SEMA4B: variants seen among roughly 807,000 people sequenced by gnomAD.
SEMA4B encodes semaphorin-4B.
Under a neutral mutation model 88.1 loss-of-function variants are expected in SEMA4B, and 55 were observed. The observed-to-expected ratio is 0.62, with a 90% CI of 0.50 to 0.78. The LOEUF (loss-of-function observed/expected upper bound fraction) is 0.78, where lower values mean the gene tolerates loss of function less well. SEMA4B is among the 30% of genes least tolerant of loss of function. The pLI is 0.00. For missense variants in SEMA4B, 1,062 were observed against 1,111.9 expected, an observed-to-expected ratio of 0.96 and a Z score of 0.64; for synonymous variants, 525 against 473.6, an observed-to-expected ratio of 1.11 and a Z score of -1.41.
chr15:90,185,965 G>T (rs1960153912), intron 1 of SEMA4B, among the ~76,000 whole-genome samples: 1 of 110,022 alleles, frequency 9.1e-6, no homozygotes, highest in Non-Finnish European at 1.7e-5. Flanking sequence ...ACGGAGTCTT[G>T]CTCTATCCTC....
chr15:90,196,839 C>G (rs934013486), upstream of SEMA4B, among the ~76,000 whole-genome samples: 19 of 152,068 alleles, frequency 1.2e-4, no homozygotes, highest in African/African-American at 4.3e-4. Context: ...TCCTTTTCAC[C>G]CCTTATTTTT....
At position 90,212,436 on chromosome 15, in the gene SEMA4B, A is replaced by G. The variant is rs762881932; in HGVS notation, c.158-5003A>G. Among the ~76,000 whole-genome samples, 2 of 152,094 alleles carry G rather than the reference A, an allele frequency of 1.3e-5. No homozygotes were observed. Among genetic ancestry groups the G allele is most frequent in the South Asian group, 2.1e-4 (1 of 4,820 alleles). On this transcript the variant is annotated intron_variant, in intron 1 of 13. Coordinates refer to ENST00000411539, the MANE Select transcript of SEMA4B (RefSeq NM_198925.4). The surrounding 1 kb of genome is among the most constrained non-coding windows in gnomAD (Gnocchi z 4.0). Reference sequence around the variant, plus strand: ...CATACTGGACTAACCCACTGGATAGATGGATTTAGAGGATGTCCGAGCAGC... The same window carrying G: ...CATACTGGACTAACCCACTGGATAGGTGGATTTAGAGGATGTCCGAGCAGC...
At chr15:90,204,400 A>G (rs936262835) in intron 1 of SEMA4B, among the ~76,000 whole-genome samples, 3 of 152,174 alleles carry the variant, frequency 2.0e-5, no homozygotes, top group Non-Finnish European at 2.9e-5. Flanking sequence ...GGGGTCCTTC[A>G]TAGGGAACCC....
rs1960718713 is a variant in SEMA4B, at chr15:90,201,472, G to C, written c.-107G>C. ...CCGCCCCCCAGGTCCGGAGGCGGGG[G>C]CCCCCGGGGCGACTCGGGGGCGGAC... On this transcript the variant is annotated 5_prime_UTR_variant, in exon 1 of 14. Transcript: ENST00000411539. 2.3e-6 allele frequency: 3 copies of C among 1,306,354 alleles called. No individual in the cohort carries two copies. The highest frequency in any genetic ancestry group is 2.2e-5 in the South Asian group (1 of 46,260). The allele number at this position is 1,306,354 out of a possible 1,614,324, so 80.9% of individuals were successfully genotyped here. A position where few individuals can be genotyped will look rare whatever the true frequency, so the allele number is the denominator to read the frequency against.
intron 1 of SEMA4B, among the ~76,000 whole-genome samples, chr15:90,188,456 T>C (rs1215545381): frequency 2.7e-5 from 4 of 149,518 alleles, no homozygotes; most frequent in East Asian, 2.1e-4. Flanking sequence ...GGTGAAACCC[T>C]GTCTCTACTA....
rs1003225967 is a variant in SEMA4B, at chr15:90,227,968, C to T, written c.1839C>T (p.Leu613=). Residue 613 remains leucine, a synonymous_variant, in exon 14 of 14, where the codon CTC becomes CTT. Transcript: ENST00000411539. ...CAGTGAACACTTTGGCCTGCCCGCTCCTCTCCAACCTGGCGACCCGACTCT... is the reference window on the plus strand; with the variant it reads ...CAGTGAACACTTTGGCCTGCCCGCTTCTCTCCAACCTGGCGACCCGACTCT... ...PNTVNTLACP[L]LSNLATRLWL... 1.9e-6 allele frequency: 3 copies of T among 1,613,688 alleles called. No individual in the cohort carries two copies. In the African/African-American group the frequency reaches 4.0e-5, roughly 22 times the overall value.
intron 12 of SEMA4B, among the ~76,000 whole-genome samples, chr15:90,226,605 T>C (rs936561222): frequency 2.6e-5 from 4 of 152,144 alleles, no homozygotes; most frequent in Non-Finnish European, 5.9e-5. Flanking sequence ...GCTCCCAGAG[T>C]GCCGGGATTA....
Position 90,227,999 on chromosome 15 carries a change from C to T in SEMA4B, c.1870C>T (p.Arg624Cys), listed in dbSNP as rs371202813. 2.9e-5 allele frequency: 47 copies of T among 1,613,888 alleles called. No homozygotes were observed. Among genetic ancestry groups the T allele is most frequent in the African/African-American group, 1.7e-4 (13 of 75,060 alleles). ...LSNLATRLWL[R>C]NGAPVNASAS... is the part of the protein sequence containing the mutation. ...CAACCTGGCGACCCGACTCTGGCTA[C>T]GCAACGGGGCCCCCGTCAATGCCTC... The change falls in exon 14 of 14, where the codon CGC becomes TGC. Residue 624 changes from arginine to cysteine, a missense_variant. Transcript: ENST00000411539.
At chr15:90,194,494 T>A (rs1228448812) in intron 1 of SEMA4B, among the ~76,000 whole-genome samples, 1 of 151,890 alleles carries the variant, frequency 6.6e-6, no homozygotes, top group African/African-American at 2.4e-5. Context: ...ATCATGCCAT[T>A]GCACTCCAGC....
Position 90,228,572 on chromosome 15 carries a change from G to A in SEMA4B, c.2443G>A (p.Val815Met), listed in dbSNP as rs1301322733. The change falls in exon 14 of 14, where the codon GTG becomes ATG. Residue 815 changes from valine (V) to methionine (M), a missense_variant. Val to Met is a conservative substitution (Grantham distance 21). Transcript: ENST00000411539. Reference protein sequence around the residue: ...KRPLSIQDSFVEVSPVCPRPR... With the variant: ...KRPLSIQDSFMEVSPVCPRPR... ...GCCACTCAGCATCCAAGACAGCTTC[G>A]TGGAGGTATCCCCAGTGTGCCCCCG... 5.6e-6 allele frequency: 9 copies of A among 1,613,648 alleles called. No homozygotes were observed. Among genetic ancestry groups the A allele is most frequent in the South Asian group, 5.5e-5 (5 of 91,088 alleles).
rs1232301042 is a variant in SEMA4B, at chr15:90,201,650, GCTGCTGCTGCTC to G, written c.84_95del (p.Leu32_Leu35del). 14 of 1,515,570 alleles carry G rather than the reference GCTGCTGCTGCTC, an allele frequency of 9.2e-6. No individual in the cohort carries two copies. The highest frequency in any genetic ancestry group is 2.0e-5 in the Admixed American group (1 of 49,718). The allele number at this position is 1,515,570 out of a possible 1,614,324, so 93.9% of individuals were successfully genotyped here. A position where few individuals can be genotyped will look rare whatever the true frequency, so the allele number is the denominator to read the frequency against. On this transcript the variant is annotated inframe_deletion, in exon 1 of 14. Coordinates refer to ENST00000411539, the MANE Select transcript of SEMA4B (RefSeq NM_198925.4). ...GGGGCGCGCTGCCGCCTCGGCCACC[GCTGCTGCTGCTC>G]CTGCTGCTGCTGCTCCTGCTGCAGC... is the stretch of plus-strand genomic sequence containing the variant.
At chr15:90,196,001 G>A (rs192591475) in intron 1 of SEMA4B, among the ~76,000 whole-genome samples, 24 of 144,944 alleles carry the variant, frequency 1.7e-4, no homozygotes, top group African/African-American at 5.9e-4. Flanking sequence ...CTCACTGCGA[G>A]CTCTGCCTCC....
rs1309082230 is a variant in SEMA4B at position 90,229,116 on chromosome 15, C to A, written c.*473C>A. 5.6e-6 allele frequency: 2 copies of A among 355,722 alleles called. No individual in the cohort carries two copies. Among genetic ancestry groups the A allele is most frequent in the African/African-American group, 4.3e-5 (2 of 46,576 alleles). The allele number at this position is 355,722 out of a possible 1,614,324, so 22.0% of individuals were successfully genotyped here. On this transcript the variant is annotated 3_prime_UTR_variant, in exon 14 of 14. Transcript: ENST00000411539. ...CATTATCCCGCTGCCACCGGCTGCC[C>A]TGTCTCACTGCAGATTCAGGACCAG...
chr15:90,185,038 C>T (rs1960122753), exon 1 of SEMA4B: 3 of 985,276 alleles, frequency 3.0e-6, no homozygotes, highest in Non-Finnish European at 3.6e-6. Flanking sequence ...GAAGAGCGGC[C>T]CCGCGGGGGG....
At position 90,229,456 on chromosome 15, in the gene SEMA4B, T is replaced by A. The variant is rs1239352938; in HGVS notation, c.*813T>A. 4.4e-6 allele frequency: 2 copies of A among 453,684 alleles called. No individual in the cohort carries two copies. Among genetic ancestry groups the A allele is most frequent in the African/African-American group, 4.0e-5 (2 of 50,152 alleles). The allele number at this position is 453,684 out of a possible 1,614,324, so 28.1% of individuals were successfully genotyped here. On this transcript the variant is annotated 3_prime_UTR_variant, in exon 14 of 14. Coordinates refer to ENST00000411539, the MANE Select transcript of SEMA4B (RefSeq NM_198925.4). ...TCCCACCATATCCACCCTCGCTCCA[T>A]CTTTGAACTCAAACACGAGGAACTA...
At chr15:90,227,349 T>C in intron 12 of SEMA4B, 2 of 542,222 alleles carry the variant, frequency 3.7e-6, no homozygotes, top group Non-Finnish European at 6.5e-6. Flanking sequence ...GCCTGGCCAC[T>C]GAGGGTACAT....
In SEMA4B at chr15:90,221,610, A is replaced by G. The variant is rs1371626654; in HGVS notation, c.710-4A>G. On this transcript the variant is annotated splice_region_variant and splice_polypyrimidine_tract_variant and intron_variant, in intron 6 of 13. Coordinates refer to ENST00000411539, the MANE Select transcript of SEMA4B (RefSeq NM_198925.4). Reference sequence around the variant, plus strand: ...ACTCTGAGCTCCTGACCTGGTCCCTACAGACCCAGCTTTTGTGGCCTCAGC... The same window carrying G: ...ACTCTGAGCTCCTGACCTGGTCCCTGCAGACCCAGCTTTTGTGGCCTCAGC... 3 of 1,613,976 alleles carry G rather than the reference A, an allele frequency of 1.9e-6. No individual in the cohort carries two copies. Among genetic ancestry groups the G allele is most frequent in the African/African-American group, 1.3e-5 (1 of 75,048 alleles).
chr15:90,201,909 G>A (rs1405780332), intron 1 of SEMA4B, among the ~76,000 whole-genome samples, 174 bp downstream of exon 1: 1 of 152,248 alleles, frequency 6.6e-6, no homozygotes, highest in Admixed American at 6.5e-5. Flanking sequence ...GAGGAGAGGG[G>A]AGCTGTGGGG....
In SEMA4B at chr15:90,217,463, G is replaced by T. The variant is rs1343630550; in HGVS notation, c.182G>T (p.Arg61Ile). ...PLGSEERPFL[R>I]FEAEHISNYT... ...GGCTCTGAAGAGCGGCCATTCCTCA[G>T]ATTCGAAGCTGAACACATCTCCAAC... Residue 61 changes from arginine to isoleucine, a missense_variant, in exon 2 of 14, where the codon AGA (arginine) becomes ATA (isoleucine). Arg to Ile is a moderately conservative substitution (Grantham distance 97). Coordinates refer to ENST00000411539, the MANE Select transcript of SEMA4B (RefSeq NM_198925.4). 1.2e-6 allele frequency: 2 copies of T among 1,613,726 alleles called. No individual in the cohort carries two copies. Among genetic ancestry groups the T allele is most frequent in the Non-Finnish European group, 1.7e-6 (2 of 1,179,772 alleles).
Sources: allele counts gnomAD v4.1 joint callset (sites outside exome capture counted in the v4.1 genomes callset), GRCh38; gene constraint gnomAD v4.1.1; non-coding constraint Gnocchi (gnomAD v3.1); transcripts MANE v1.5; gene names NCBI Gene and HGNC (gene_info 2026-07-23, HGNC 2026-07-21).